Variants in SNX9 observed in about 807,000 individuals in gnomAD.
The protein encoded by SNX9 is sorting nexin-9.
SNX9 carries 44 observed loss-of-function variants against 89.4 expected under a neutral mutation model. The ratio of observed to expected loss-of-function variants is 0.49; its 90% CI spans 0.39 to 0.63. SNX9 has a LOEUF of 0.63. Among genes scored for constraint, SNX9 ranks in the 30% least tolerant of loss-of-function variants. The probability of loss-of-function intolerance (pLI) is 0.00; values close to 1 mark genes in which losing one functional copy is unlikely to be tolerated. For synonymous variants in SNX9, 236 were observed against 247.8 expected (o/e 0.95, Z 0.45); for missense variants, 578 against 736.1 (o/e 0.79, Z 2.49).
intron 1 of SNX9, among the ~76,000 whole-genome samples, chr6:157,843,184 C>G (rs1168011029): frequency 6.6e-6 from 1 of 152,058 alleles, no homozygotes; most frequent in Non-Finnish European, 1.5e-5. Context: ...TGGGAGGATG[C>G]TTAGGACAAG....
intron 12 of SNX9, among the ~76,000 whole-genome samples, chr6:157,929,854 C>G (rs781264615): frequency 6.6e-6 from 1 of 152,192 alleles, no homozygotes; most frequent in Non-Finnish European, 1.5e-5. Context: ...GTCAGTATTA[C>G]TATTCAATCC....
At chr6:157,853,745 T>C (rs1417660290) in intron 1 of SNX9, among the ~76,000 whole-genome samples, 3 of 151,800 alleles carry the variant, frequency 2.0e-5, no homozygotes, top group Non-Finnish European at 2.9e-5. Context: ...AAAGAGGAAA[T>C]AGTTATGCCA....
chr6:157,937,595 TG>T (rs1421003138), intron 15 of SNX9, 72 bp downstream of exon 15: 7 of 980,374 alleles, frequency 7.1e-6, no homozygotes. Flanking sequence ...TAGTCAGTAT[TG>T]GTTTTATATG....
intron 4 of SNX9, among the ~76,000 whole-genome samples, chr6:157,879,499 A>G (rs116525104): frequency 1.3e-5 from 2 of 152,300 alleles, no homozygotes; most frequent in African/African-American, 4.8e-5. Flanking sequence ...AACTCTCTTC[A>G]TTTTCTTATT....
At chr6:157,850,410 C>T (rs534709373) in intron 1 of SNX9, among the ~76,000 whole-genome samples, 1 of 152,282 alleles carries the variant, frequency 6.6e-6, no homozygotes, top group East Asian at 1.9e-4. Context: ...GGGATGGTTT[C>T]TTCTTCCTTT....
chr6:157,879,624 TCA>T (rs1782586511), intron 4 of SNX9, among the ~76,000 whole-genome samples: 1 of 152,250 alleles, frequency 6.6e-6, no homozygotes, highest in African/African-American at 2.4e-5. Flanking sequence ...ATCGGTTATT[TCA>T]CAGTTTCAAG....
chr6:157,857,244 C>CT (rs1782030889), intron 1 of SNX9, among the ~76,000 whole-genome samples: 1 of 152,034 alleles, frequency 6.6e-6, no homozygotes, highest in Admixed American at 6.5e-5. Context: ...GTACCTGTGT[C>CT]TTTTTGACAC....
intron 1 of SNX9, among the ~76,000 whole-genome samples, chr6:157,855,550 G>A (rs564699953): frequency 7.9e-5 from 12 of 152,192 alleles, no homozygotes; most frequent in South Asian, 2.1e-4. Flanking sequence ...TTTTGCTTTC[G>A]TTTTTTGGTA....
intron 16 of SNX9, 120 bp downstream of exon 16, chr6:157,938,867 C>T (rs1783979696): frequency 4.6e-6 from 3 of 645,252 alleles, no homozygotes; most frequent in Non-Finnish European, 8.2e-6. Context: ...CCTTTTAAGC[C>T]CCTCGTTTGC....
intron 5 of SNX9, among the ~76,000 whole-genome samples, chr6:157,898,792 A>G (rs1783032720): frequency 6.6e-6 from 1 of 152,230 alleles, no homozygotes; most frequent in African/African-American, 2.4e-5. Flanking sequence ...CTAAACAGCA[A>G]GGACCTCACT....
At chr6:157,939,366 T>C (rs140849616) in intron 16 of SNX9, among the ~76,000 whole-genome samples, 2,499 of 152,182 alleles carry the variant, frequency 0.016, 32 homozygotes, top group Non-Finnish European at 0.026. Flanking sequence ...AAATTTTGAT[T>C]GTGAAGGAAC....
chr6:157,842,065 C>G (rs1015640447), intron 1 of SNX9, among the ~76,000 whole-genome samples: 2 of 152,004 alleles, frequency 1.3e-5, no homozygotes, highest in Non-Finnish European at 2.9e-5. Flanking sequence ...ATATATATCT[C>G]CAAAACTGTA....
At chr6:157,869,964 G>A (rs1045373874) in intron 2 of SNX9, among the ~76,000 whole-genome samples, 2 of 151,876 alleles carry the variant, frequency 1.3e-5, no homozygotes, top group African/African-American at 4.8e-5. Context: ...TTTCACGTGT[G>A]CACTCTTACA....
At chr6:157,858,005 A>G (rs1396459009) in intron 1 of SNX9, among the ~76,000 whole-genome samples, 2 of 152,084 alleles carry the variant, frequency 1.3e-5, no homozygotes, top group Non-Finnish European at 2.9e-5. Flanking sequence ...CCTTTCCTTC[A>G]TGTTAGGGTC....
chr6:157,934,678 T>C (rs1006543131), intron 13 of SNX9, among the ~76,000 whole-genome samples: 3 of 152,252 alleles, frequency 2.0e-5, no homozygotes, highest in Admixed American at 2.0e-4. Flanking sequence ...TACGTAATTA[T>C]GTTACTGTTG....
rs74472184 is a variant in SNX9, at chr6:157,863,505, A to G, written c.13-4042A>G. 6.8e-3 allele frequency among the ~76,000 whole-genome samples: 1,043 copies of G among 152,360 alleles called. 13 individuals are homozygous for G. Among genetic ancestry groups the G allele is most frequent in the African/African-American group, 0.024 (996 of 41,578 alleles). ...AGTTGTGGTTGACAATATATATTGA[A>G]TATATAGTTTGGAGTTATCCACTGA... is the stretch of plus-strand genomic sequence containing the variant. On this transcript the variant is annotated intron_variant, in intron 1 of 17. Coordinates refer to ENST00000392185, the MANE Select transcript of SNX9 (RefSeq NM_016224.5).
intron 5 of SNX9, among the ~76,000 whole-genome samples, chr6:157,898,205 G>C (rs1783020192): frequency 1.3e-5 from 2 of 152,216 alleles, no homozygotes; most frequent in Non-Finnish European, 1.5e-5. Flanking sequence ...ACTGCTTGCA[G>C]TTGCCCTTAT....
chr6:157,824,892 A>G (rs1009102578), intron 1 of SNX9, among the ~76,000 whole-genome samples: 1 of 152,214 alleles, frequency 6.6e-6, no homozygotes, highest in Non-Finnish European at 1.5e-5. Flanking sequence ...GTTTGTTGCC[A>G]GACATTCCAG....
Position 157,863,494 on chromosome 6 carries a change from A to G in SNX9, c.13-4053A>G, listed in dbSNP as rs140498104. Among the ~76,000 whole-genome samples the G allele has an allele frequency of 1.7e-3, 255 of 152,360 alleles. 1 individual carries two copies. The highest frequency in any genetic ancestry group is 2.5e-3 in the Admixed American group (39 of 15,310). ...AGGAAGAGATTAGTTGTGGTTGACA[A>G]TATATATTGAATATATAGTTTGGAG... is the stretch of plus-strand genomic sequence containing the variant. On this transcript the variant is annotated intron_variant, in intron 1 of 17. Transcript: ENST00000392185.
Sources: allele counts gnomAD v4.1 joint callset (sites outside exome capture counted in the v4.1 genomes callset), GRCh38; gene constraint gnomAD v4.1.1; transcripts MANE v1.5; gene names NCBI Gene and HGNC (gene_info 2026-07-23, HGNC 2026-07-21).